The following ACADL variants were observed in gnomAD, a reference collection of about 807,000 sequenced individuals.
ACADL encodes long-chain specific acyl-CoA dehydrogenase, mitochondrial.
ACADL carries 60 observed loss-of-function variants against 56.9 expected under a neutral mutation model. The ratio of observed to expected loss-of-function variants is 1.05; its 90% CI spans 0.86 to 1.31. The LOEUF (loss-of-function observed/expected upper bound fraction) is 1.31, where lower values mean the gene tolerates loss of function less well. ACADL is among the 50% of genes most tolerant of loss of function. The pLI is 0.00. For synonymous variants in ACADL, 158 were observed against 179.7 expected, an observed-to-expected ratio of 0.88 and a Z score of 0.97; for missense variants, 484 against 525.5, an observed-to-expected ratio of 0.92 and a Z score of 0.77.
intron 7 of ACADL, among the ~76,000 whole-genome samples, 157 bp from the exon 8 acceptor site, chr2:210,203,601 T>A (rs1209829111): frequency 1.3e-5 from 2 of 152,212 alleles, no homozygotes; most frequent in African/African-American, 2.4e-5. Context: ...TTTATGAGAT[T>A]CTTTTGACAT....
rs1003585608 is a variant in ACADL at position 210,225,056 on chromosome 2, C to G, written c.77+131G>C. On this transcript the variant is annotated intron_variant, in intron 1 of 10. Transcript: ENST00000233710. ...CCAGGAAAGGAGGCCAGCTCTAGCC[C>G]GGCGCCGGAGTTGGGGAGCACTCCC... 3.3e-6 allele frequency: 5 copies of G among 1,494,688 alleles called. No homozygotes were observed. The Admixed American group carries it at 6.5e-5, about 20-fold the overall frequency. The allele number at this position is 1,494,688 out of a possible 1,614,324, so 92.6% of individuals were successfully genotyped here. A position where few individuals can be genotyped will look rare whatever the true frequency, so the allele number is the denominator to read the frequency against.
chr2:210,204,600 AT>A lies in ACADL; in HGVS notation c.850del (p.Ile284SerfsTer2). Reference protein sequence around the residue: ...LGEENKGFYYIMKELPQERLL... With the variant: ...LGEENKGFYYXMKELPQERLL... ...TCTGACCTGTGGAAGCTCTTTCATG[AT>A]GTAATAGAAGCCTTTATTCTCTTCT... On this transcript the variant is annotated frameshift_variant, in exon 7 of 11. Transcript: ENST00000233710. LOFTEE classifies it high-confidence loss of function. 2 of 1,608,420 alleles carry A rather than the reference AT, an allele frequency of 1.2e-6. No homozygotes were observed. The highest frequency in any genetic ancestry group is 1.7e-6 in the Non-Finnish European group (2 of 1,175,064).
chr2:210,224,662 G>A lies in ACADL; in HGVS notation c.77+525C>T, dbSNP rs1559643677. On this transcript the variant is annotated intron_variant, in intron 1 of 10. Coordinates refer to ENST00000233710, the MANE Select transcript of ACADL (RefSeq NM_001608.4). ...TGGAACCCTCGCCAGGTCATTTCTAGCCCAGTTTGTCCTGGACAATTCTGG... is the reference window on the plus strand; with the variant it reads ...TGGAACCCTCGCCAGGTCATTTCTAACCCAGTTTGTCCTGGACAATTCTGG... The A allele has an allele frequency of 9.1e-6, 9 of 985,762 alleles. No individual in the cohort carries two copies. In the Admixed American group the frequency reaches 1.8e-4, roughly 20 times the overall value. 61.1% of individuals were successfully genotyped at this position (985,762 alleles called of 1,614,324 possible).
At chr2:210,205,871 T>C (rs2125712953) in intron 5 of ACADL, 75 bp from the exon 6 acceptor site, 1 of 1,575,854 alleles carries the variant, frequency 6.3e-7, no homozygotes, top group Non-Finnish European at 8.7e-7. Context: ...TGGGAGAAAG[T>C]ATATTACAGA....
At position 210,214,509 on chromosome 2, in the gene ACADL, A is replaced by AAGAAAGAAAGAAAGAAAGAAAAAG. The variant is rs1553690970; in HGVS notation, c.536+1837_536+1838insCTTTTTCTTTCTTTCTTTCTTTCT. Among the ~76,000 whole-genome samples, 184 of 18,854 alleles carry AAGAAAGAAAGAAAGAAAGAAAAAG rather than the reference A, an allele frequency of 9.8e-3. 1 individual carries two copies. Among genetic ancestry groups the AAGAAAGAAAGAAAGAAAGAAAAAG allele is most frequent in the African/African-American group, 0.014 (165 of 11,930 alleles). The allele number at this position is 18,854 out of a possible 152,430, so 12.4% of individuals were successfully genotyped here. A position where few individuals can be genotyped will look rare whatever the true frequency, so the allele number is the denominator to read the frequency against. ...AAAGAAAGAAAGAAAGAAAGAAAGAAAAAGAAAGAAAGAAAGAAAGAAATC... is the reference window on the plus strand; with the variant it reads ...AAAGAAAGAAAGAAAGAAAGAAAGAAAGAAAGAAAGAAAGAAAGAAAAAGAAAGAAAGAAAGAAAGAAAGAAATC... On this transcript the variant is annotated intron_variant, in intron 4 of 10. Transcript: ENST00000233710.
intron 8 of ACADL, among the ~76,000 whole-genome samples, chr2:210,200,268 T>C (rs1688772395): frequency 6.6e-6 from 1 of 152,182 alleles, no homozygotes; most frequent in African/African-American, 2.4e-5. Context: ...CAATATATAT[T>C]TGTTCAGTGA....
intron 1 of ACADL, chr2:210,224,971 G>C (rs3768807): frequency 1.5e-6 from 2 of 1,378,806 alleles, no homozygotes; most frequent in East Asian, 6.0e-5. Flanking sequence ...TTCTCGGGGC[G>C]GCACGGCTGA....
rs263683 is a variant in ACADL, at chr2:210,194,775, G to C, written c.1112+436C>G. Among the ~76,000 whole-genome samples the C allele has an allele frequency of 4.8e-3, 738 of 152,206 alleles. 4 individuals are homozygous for C. Among genetic ancestry groups the C allele is most frequent in the African/African-American group, 0.017 (701 of 41,534 alleles). On this transcript the variant is annotated intron_variant, in intron 9 of 10. Transcript: ENST00000233710. ...CTGGATGGAATTAAGTTTAATTATA[G>C]TTATTTAATAAAAGAATTTGGACTC...
At chr2:210,193,586 TAGAG>T (rs1688668656) in intron 9 of ACADL, among the ~76,000 whole-genome samples, 1 of 152,184 alleles carries the variant, frequency 6.6e-6, no homozygotes, top group African/African-American at 2.4e-5. Flanking sequence ...AAATTCATGA[TAGAG>T]ATTTTATTCA....
chr2:210,224,978 C>G, intron 1 of ACADL: 2 of 1,391,014 alleles, frequency 1.4e-6, no homozygotes, highest in Non-Finnish European at 1.9e-6. Flanking sequence ...GGCGGCACGG[C>G]TGACACCCCT....
chr2:210,216,801 A>G lies in ACADL; in HGVS notation c.372-290T>C. On this transcript the variant is annotated intron_variant, in intron 3 of 10. Transcript: ENST00000233710. ...TTGTATTCCTCTAACACAGTGGAATAATAACTGTATTCCTCTAATTACCTT... is the reference window on the plus strand; with the variant it reads ...TTGTATTCCTCTAACACAGTGGAATGATAACTGTATTCCTCTAATTACCTT... 4 of 334,394 alleles carry G rather than the reference A, an allele frequency of 1.2e-5. No homozygotes were observed. The South Asian group carries it at 1.2e-4, about 10-fold the overall frequency. 20.7% of individuals were successfully genotyped at this position (334,394 alleles called of 1,614,324 possible). A position where few individuals can be genotyped will look rare whatever the true frequency, so the allele number is the denominator to read the frequency against.
intron 8 of ACADL, among the ~76,000 whole-genome samples, chr2:210,200,615 G>A (rs1462372150): frequency 6.6e-6 from 1 of 152,132 alleles, no homozygotes; most frequent in Non-Finnish European, 1.5e-5. Flanking sequence ...TTTGTTAAAT[G>A]TTTTCTTGAT....
intron 4 of ACADL, among the ~76,000 whole-genome samples, chr2:210,210,775 A>G (rs1008627106): frequency 2.0e-5 from 3 of 152,264 alleles, no homozygotes; most frequent in East Asian, 3.9e-4. Flanking sequence ...GCTAGACTCT[A>G]TCTCTACAAA....
At chr2:210,209,159 A>T (rs1425178413) in intron 5 of ACADL, among the ~76,000 whole-genome samples, 1 of 152,246 alleles carries the variant, frequency 6.6e-6, no homozygotes, top group East Asian at 1.9e-4. Context: ...AACACCAGTG[A>T]TTCAATTTTG....
At chr2:210,196,065 C>T (rs1415998328) in intron 8 of ACADL, among the ~76,000 whole-genome samples, 1 of 152,078 alleles carries the variant, frequency 6.6e-6, no homozygotes, top group Non-Finnish European at 1.5e-5. Flanking sequence ...ATAATTGAAT[C>T]ATGGGGGTGG....
intron 7 of ACADL, 86 bp downstream of exon 7, chr2:210,204,495 G>A: frequency 3.0e-6 from 3 of 1,006,476 alleles, no homozygotes. Context: ...AAATTTGAAT[G>A]CATAATATAG....
rs577566132 is a variant in ACADL at position 210,207,546 on chromosome 2, G to A, written c.604-1750C>T. 3.9e-5 allele frequency among the ~76,000 whole-genome samples: 6 copies of A among 152,232 alleles called. No individual in the cohort carries two copies. In the East Asian group the frequency reaches 5.8e-4, roughly 15 times the overall value. ...CTGCAATGAATTGTACTCATCCTGG[G>A]TGGTTTAGACATCAGATTGGCCAAA... On this transcript the variant is annotated intron_variant, in intron 5 of 10. Coordinates refer to ENST00000233710, the MANE Select transcript of ACADL (RefSeq NM_001608.4).
intron 4 of ACADL, among the ~76,000 whole-genome samples, chr2:210,215,158 A>G (rs577884880): frequency 6.6e-6 from 1 of 152,296 alleles, no homozygotes; most frequent in African/African-American, 2.4e-5. Context: ...TGCTGTCTTT[A>G]ACATAAATAA....
chr2:210,195,229 G>A lies in ACADL; in HGVS notation c.1094C>T (p.Ala365Val), dbSNP rs1688688164. Residue 365 changes from alanine to valine, a missense_variant, in exon 9 of 11, where the codon GCT (alanine) becomes GTT (valine). By Grantham distance (64) the Ala-to-Val change is moderately conservative. Coordinates refer to ENST00000233710, the MANE Select transcript of ACADL (RefSeq NM_001608.4). ...TGCATACCAATATTTCGCCATGCAA[G>A]CAGTGGCGGAGTCCAAACGTTTCGC... The part of the protein sequence containing the change: ...HEAKRLDSAT[A>V]CMAKYWASEL... 1 of 1,613,858 alleles carries A rather than the reference G, an allele frequency of 6.2e-7. No homozygotes were observed. Among genetic ancestry groups the A allele is most frequent in the Non-Finnish European group, 8.5e-7 (1 of 1,179,892 alleles).
Sources: allele counts gnomAD v4.1 joint callset (sites outside exome capture counted in the v4.1 genomes callset), GRCh38; gene constraint gnomAD v4.1.1; transcripts MANE v1.5; gene names NCBI Gene and HGNC (gene_info 2026-07-23, HGNC 2026-07-21).